The following NUP50 variants were observed in gnomAD, a reference collection of about 807,000 sequenced individuals.
The protein encoded by NUP50 is nuclear pore complex protein Nup50.
In NUP50, 14 loss-of-function variants were observed where a neutral mutation model predicts 36.8. The observed-to-expected ratio is 0.38, with a 90% CI of 0.25 to 0.59. NUP50 has a LOEUF of 0.59. Ranked by LOEUF, NUP50 falls within the 20% of genes least tolerant of loss-of-function variation. The pLI is 0.63. For synonymous variants in NUP50, 195 were observed against 210.8 expected, an observed-to-expected ratio of 0.93 and a Z score of 0.65; for missense variants, 455 against 564.6, an observed-to-expected ratio of 0.81 and a Z score of 1.97.
intron 3 of NUP50, chr22:45,171,923 A>G (rs1357648066): frequency 2.2e-6 from 1 of 444,754 alleles, no homozygotes. Flanking sequence ...CAATCTGGAG[A>G]AGAAAAATGA....
rs749283099 is a variant in NUP50 at position 45,168,219 on chromosome 22, T to C, written c.42T>C (p.Asn14=). The C allele has an allele frequency of 3.1e-6, 5 of 1,611,960 alleles. No individual in the cohort carries two copies. Among genetic ancestry groups the C allele is most frequent in the East Asian group, 4.5e-5 (2 of 44,830 alleles). ...RNAEKELTDR[N]WDQEDEAEEV... ...CCGAGAAGGAACTGACAGATAGGAA[T>C]TGGGATCAAGAAGATGAAGCTGAAG... Residue 14 remains asparagine, a synonymous_variant, in exon 2 of 8, where the codon AAT becomes AAC. Coordinates refer to ENST00000347635, the MANE Select transcript of NUP50 (RefSeq NM_007172.4).
At chr22:45,183,791 C>T (rs941891063) in intron 7 of NUP50, 2 of 353,064 alleles carry the variant, frequency 5.7e-6, no homozygotes, top group East Asian at 5.4e-5. Flanking sequence ...TTAATGAACA[C>T]CCAAGGGAAA....
intron 6 of NUP50, among the ~76,000 whole-genome samples, chr22:45,182,342 G>A (rs2074386269): frequency 6.6e-6 from 1 of 152,132 alleles, no homozygotes; most frequent in African/African-American, 2.4e-5. Flanking sequence ...TTGGGAGGCT[G>A]AGGCATGAGA....
At chr22:45,172,429 T>G (rs7292900) in intron 3 of NUP50, among the ~76,000 whole-genome samples, 21,875 of 152,102 alleles carry the variant, frequency 0.14, 2,034 homozygotes, top group Middle Eastern at 0.24. Context: ...TGCTCCAAGA[T>G]CTGAAGCTTT....
intron 4 of NUP50, 159 bp from the exon 5 acceptor site, chr22:45,178,079 T>G: frequency 6.1e-6 from 4 of 658,946 alleles, no homozygotes; most frequent in Non-Finnish European, 1.0e-5. Flanking sequence ...TGAGCCAAGA[T>G]CGTGCCACGG....
rs1215080325 is a variant in NUP50 at position 45,173,338 on chromosome 22, G to GCT, written c.153+1655_153+1656insCT. On this transcript the variant is annotated intron_variant, in intron 3 of 7. Transcript: ENST00000347635. ...ACAGTAAACCTCTTGAACTTCAGGT[G>GCT]TTTTTTTTTTTTTTTTGTCTGGTTT... Among the ~76,000 whole-genome samples, 300 of 134,948 alleles carry GCT rather than the reference G, an allele frequency of 2.2e-3. 1 individual carries two copies. The highest frequency in any genetic ancestry group is 7.8e-3 in the African/African-American group (285 of 36,342). 88.5% of individuals were successfully genotyped at this position (134,948 alleles called of 152,430 possible). A position where few individuals can be genotyped will look rare whatever the true frequency, so the allele number is the denominator to read the frequency against.
intron 2 of NUP50, among the ~76,000 whole-genome samples, chr22:45,169,323 T>C (rs2074147204): frequency 6.6e-6 from 1 of 152,066 alleles, no homozygotes; most frequent in African/African-American, 2.4e-5. Flanking sequence ...TGACCTGTGA[T>C]TGCACCACTG....
intron 4 of NUP50, among the ~76,000 whole-genome samples, chr22:45,177,508 C>G (rs1327345997): frequency 1.3e-5 from 2 of 151,940 alleles, no homozygotes; most frequent in African/African-American, 4.8e-5. Context: ...GGTGTAGAAC[C>G]TGCAGGTACA....
At chr22:45,168,309 G>A in intron 2 of NUP50, 63 bp downstream of exon 2, 1 of 1,340,046 alleles carries the variant, frequency 7.5e-7, no homozygotes, top group Non-Finnish European at 1.0e-6. Flanking sequence ...TCATTTTGGG[G>A]TTCCTCATGA....
In NUP50 at chr22:45,178,564, T is replaced by A; in HGVS notation, c.667T>A (p.Ser223Thr). Residue 223 changes from serine to threonine, a missense_variant, in exon 5 of 8, where the codon TCC (serine) becomes ACC (threonine). By Grantham distance (58) the Ser-to-Thr change is moderately conservative. Around this residue, in one of 3 missense-constraint regions of NUP50, gnomAD observed 287 missense variants for 345.5 expected, o/e 0.83. Coordinates refer to ENST00000347635, the MANE Select transcript of NUP50 (RefSeq NM_007172.4). ...NKVAAETQSPSLFGSTKLQQE... is the reference protein window; with the variant it reads ...NKVAAETQSPTLFGSTKLQQE... ...AGTGGCAGCTGAAACACAGTCTCCT[T>A]CCCTTTTTGGCTCAACAAAATTACA... is the stretch of plus-strand genomic sequence containing the variant. 3 of 1,612,014 alleles carry A rather than the reference T, an allele frequency of 1.9e-6. No homozygotes were observed. Among genetic ancestry groups the A allele is most frequent in the Non-Finnish European group, 2.5e-6 (3 of 1,179,858 alleles).
At chr22:45,183,339 A>G in intron 6 of NUP50, 63 bp from the exon 7 acceptor site, 2 of 940,328 alleles carry the variant, frequency 2.1e-6, no homozygotes, top group Non-Finnish European at 3.4e-6. Flanking sequence ...AGTGGTTGTT[A>G]GAAAACTGTG....
rs1166124308 is a variant in NUP50 at position 45,186,351 on chromosome 22, T to C, written c.*1696T>C. 3 of 152,220 alleles carry C rather than the reference T, an allele frequency of 2.0e-5. No homozygotes were observed. Among genetic ancestry groups the C allele is most frequent in the Non-Finnish European group, 4.4e-5 (3 of 68,044 alleles). The allele number at this position is 152,220 out of a possible 1,614,324, so 9.4% of individuals were successfully genotyped here. On this transcript the variant is annotated 3_prime_UTR_variant, in exon 8 of 8. Transcript: ENST00000347635. ...GTGGGTTTCTGTTGCGGATGATTCA[T>C]AGTAAGCAAGCGGTTGATGCTGTTA...
chr22:45,180,347 C>CT (rs1306228633), intron 5 of NUP50: 3 of 152,170 alleles, frequency 2.0e-5, no homozygotes, highest in African/African-American at 7.2e-5. Context: ...CTGCCGTTCT[C>CT]TTTAAGAGGA....
intron 2 of NUP50, among the ~76,000 whole-genome samples, chr22:45,170,114 A>G (rs774001998): frequency 8.5e-5 from 13 of 152,194 alleles, no homozygotes; most frequent in South Asian, 8.3e-4. Flanking sequence ...CCCCTGTCCC[A>G]TGATCACGTG....
intron 3 of NUP50, among the ~76,000 whole-genome samples, chr22:45,172,833 TTA>T (rs1222192953): frequency 6.6e-6 from 1 of 152,206 alleles, no homozygotes; most frequent in Non-Finnish European, 1.5e-5. Context: ...GTGGTATGTG[TTA>T]ATGGGAAAAC....
intron 4 of NUP50, among the ~76,000 whole-genome samples, chr22:45,177,398 C>T (rs1303880063): frequency 2.0e-5 from 3 of 152,152 alleles, no homozygotes; most frequent in Non-Finnish European, 2.9e-5. Context: ...CCAGGCTGGT[C>T]TCAAACTCCT....
chr22:45,177,206 G>C (rs1024580471), intron 4 of NUP50, among the ~76,000 whole-genome samples: 6 of 151,970 alleles, frequency 3.9e-5, no homozygotes, highest in Non-Finnish European at 8.8e-5. Context: ...ATTGAGACAG[G>C]GTCTCGCTCT....
intron 5 of NUP50, 68 bp downstream of exon 5, chr22:45,178,968 C>CT: frequency 6.9e-7 from 1 of 1,449,298 alleles, no homozygotes; most frequent in Non-Finnish European, 9.3e-7. Flanking sequence ...AACCCAGAGA[C>CT]TTTGATTCCA....
At chr22:45,180,698 T>A (rs1433695529) in intron 5 of NUP50, among the ~76,000 whole-genome samples, 1 of 152,208 alleles carries the variant, frequency 6.6e-6, no homozygotes, top group African/African-American at 2.4e-5. Context: ...GTTTAAATGA[T>A]GGCCTAGGTC....
Sources: gnomAD v4.1 joint callset for allele counts (sites outside exome capture counted in the v4.1 genomes callset) on GRCh38, gnomAD v4.1.1 for gene constraint, gnomAD v4.1.1 regional missense constraint, MANE v1.5 for transcripts, NCBI Gene and HGNC (gene_info 2026-07-23, HGNC 2026-07-21) for gene names.